NECAB3: variants seen among roughly 807,000 people sequenced by gnomAD.
NECAB3 encodes N-terminal EF-hand calcium-binding protein 3.
NECAB3 carries 38 observed loss-of-function variants against 57.2 expected under a neutral mutation model. The ratio of observed to expected loss-of-function variants is 0.66; its 90% CI spans 0.51 to 0.87. The LOEUF (loss-of-function observed/expected upper bound fraction) is 0.87, where lower values mean the gene tolerates loss of function less well. NECAB3 is among the 40% of genes least tolerant of loss of function. The pLI, the probability that NECAB3 is intolerant of heterozygous loss-of-function variation, is 0.00. For missense variants in NECAB3, 474 were observed against 527.5 expected, an observed-to-expected ratio of 0.90 and a Z score of 0.99; for synonymous variants, 223 against 222.6, an observed-to-expected ratio of 1.00 and a Z score of -0.02.
chr20:33,662,107 T>C, intron 5 of NECAB3: 1 of 436,556 alleles, frequency 2.3e-6, no homozygotes, highest in Non-Finnish European at 4.1e-6. Flanking sequence ...TCCCCCTCTA[T>C]TCACCACTAA....
At chr20:33,664,277 AT>A (rs974802640) in intron 5 of NECAB3, 1 of 178,210 alleles carries the variant, frequency 5.6e-6, no homozygotes, top group Non-Finnish European at 1.2e-5. Flanking sequence ...CCTCTTAGGC[AT>A]GAGGGAGGGT....
chr20:33,669,675 G>A lies in NECAB3; in HGVS notation c.289+12C>T, dbSNP rs760511412. On this transcript the variant is annotated intron_variant, in intron 4 of 11. Transcript: ENST00000246190. ...GGCCACAGGAGAAAAGAGCTCCCAT[G>A]GGCCTACTCACCACACAGTTTTTCT... The A allele has an allele frequency of 9.4e-6, 15 of 1,592,138 alleles. No homozygotes were observed. The Admixed American group carries it at 2.7e-4, about 28-fold the overall frequency.
chr20:33,672,485 TCAACC>T lies in NECAB3; in HGVS notation c.130-68_130-64del. 4 of 1,602,244 alleles carry T rather than the reference TCAACC, an allele frequency of 2.5e-6. No individual in the cohort carries two copies. In the South Asian group the frequency reaches 4.4e-5, roughly 18 times the overall value. On this transcript the variant is annotated intron_variant, in intron 1 of 11. Coordinates refer to ENST00000246190, the MANE Select transcript of NECAB3 (RefSeq NM_031232.4). ...CACCTGGGAAGCCAGAGGCCCCCAC[TCAACC>T]CGACAGGGTCCCAGCTGGCCGACCT... is the stretch of plus-strand genomic sequence containing the variant.
intron 1 of NECAB3, 149 bp downstream of exon 1, chr20:33,674,075 A>G: frequency 2.4e-6 from 2 of 850,554 alleles, no homozygotes; most frequent in Non-Finnish European, 3.1e-6. Context: ...AACAGGTCAC[A>G]CAAGGGCAGA....
At position 33,668,437 on chromosome 20, in the gene NECAB3, T is replaced by C. The variant is rs1383830390; in HGVS notation, c.387+938A>G. On this transcript the variant is annotated intron_variant, in intron 5 of 11. Coordinates refer to ENST00000246190, the MANE Select transcript of NECAB3 (RefSeq NM_031232.4). Reference sequence around the variant, plus strand: ...CTGCAGTTTGAATCTCCCCAACCACTGCCAGTTCAGAGAATGCCAGTCCAG... The same window carrying C: ...CTGCAGTTTGAATCTCCCCAACCACCGCCAGTTCAGAGAATGCCAGTCCAG... 1.4e-5 allele frequency: 9 copies of C among 660,422 alleles called. No individual in the cohort carries two copies. In the East Asian group the frequency reaches 2.8e-4, roughly 21 times the overall value. The allele number at this position is 660,422 out of a possible 1,614,324, so 40.9% of individuals were successfully genotyped here. A position where few individuals can be genotyped will look rare whatever the true frequency, so the allele number is the denominator to read the frequency against.
upstream of NECAB3, chr20:33,674,488 G>A: frequency 3.7e-6 from 3 of 804,508 alleles, no homozygotes; most frequent in Non-Finnish European, 4.5e-6. Flanking sequence ...CCCCGCCCCC[G>A]CGGACGCCGG....
rs1347196867 is a variant in NECAB3, at chr20:33,660,238, G to A, written c.524+21C>T. 6.2e-7 allele frequency: 1 copy of A among 1,609,548 alleles called. No individual in the cohort carries two copies. The highest frequency in any genetic ancestry group is 8.5e-7 in the Non-Finnish European group (1 of 1,177,592). ...GGGCGCTTGTGCACTAGCCCCACAG[G>A]TTGACAGCACCCTTACATACCGCCA... is the stretch of plus-strand genomic sequence containing the variant. On this transcript the variant is annotated intron_variant, in intron 6 of 11. Transcript: ENST00000246190. The surrounding 1 kb of genome is among the most constrained non-coding windows in gnomAD (Gnocchi z 4.1).
chr20:33,658,929 T>C, intron 8 of NECAB3, 95 bp from the exon 9 acceptor site: 2 of 868,052 alleles, frequency 2.3e-6, no homozygotes, highest in Non-Finnish European at 1.8e-6. Flanking sequence ...TTTTTCTGTT[T>C]GTTTGTTTTT....
chr20:33,663,735 C>CG, intron 5 of NECAB3: 1 of 1,529,560 alleles, frequency 6.5e-7, no homozygotes, highest in East Asian at 2.5e-5. Context: ...CGGAAGAGGG[C>CG]GGGGCCAGGG....
chr20:33,662,409 G>A (rs150669889), intron 5 of NECAB3: 18 of 1,551,554 alleles, frequency 1.2e-5, no homozygotes, highest in Admixed American at 3.9e-5. Context: ...GGAGAGGCCG[G>A]CTGACATGGA....
intron 2 of NECAB3, 191 bp downstream of exon 2, chr20:33,672,207 C>G (rs1226521664): frequency 1.5e-6 from 1 of 665,634 alleles, no homozygotes; most frequent in Non-Finnish European, 2.6e-6. Flanking sequence ...ACATTCTCTC[C>G]ACTCTCCATC....
chr20:33,658,462 G>C lies in NECAB3; in HGVS notation c.1070+15C>G. 2.5e-6 allele frequency: 4 copies of C among 1,612,892 alleles called. No homozygotes were observed. The highest frequency in any genetic ancestry group is 3.4e-6 in the Non-Finnish European group (4 of 1,179,008). On this transcript the variant is annotated intron_variant, in intron 10 of 11. Transcript: ENST00000246190. ...CCACATTCCATGGTGTTAGCGGCCA[G>C]ACTGGCACTCATACCTTCTCCAGGA...
Position 33,660,298 on chromosome 20 carries a change from C to G in NECAB3, c.485G>C (p.Gly162Ala). The G allele has an allele frequency of 6.2e-7, 1 of 1,613,388 alleles. No homozygotes were observed. Among genetic ancestry groups the G allele is most frequent in the South Asian group, 1.1e-5 (1 of 91,092 alleles). ...CTGGGCCTCCAGGGTATCTGACGCC[C>G]CCTCCAGCGAGCTCTGAAGGGCTTG... ...QLQALQSSLE[G>A]ASDTLEAQAH... The change falls in exon 6 of 12, where the codon GGG becomes GCG. Residue 162 changes from glycine (G) to alanine (A), a missense_variant. By Grantham distance (60) the Gly-to-Ala change is moderately conservative. Coordinates refer to ENST00000246190, the MANE Select transcript of NECAB3 (RefSeq NM_031232.4). This position sits in a 1 kb window ranked among gnomAD's most constrained non-coding sequence, Gnocchi z 4.1.
At chr20:33,674,455 C>G, upstream of NECAB3, 2 of 980,640 alleles carry the variant, frequency 2.0e-6, no homozygotes, top group Non-Finnish European at 1.2e-6. Flanking sequence ...GGCGCCGACG[C>G]GCGGGCTCAG....
chr20:33,669,437 C>G lies in NECAB3; in HGVS notation c.325G>C (p.Val109Leu). ...FSEHLGVYRP[V>L]LAALESLNRA... ...TTCAGCGATTCCAATGCAGCCAGCA[C>G]CGGCCGGTAGACACCCAGGTGCTCT... Residue 109 changes from valine (V) to leucine (L), a missense_variant, in exon 5 of 12, where the codon GTG (valine) becomes CTG (leucine). Physicochemically the swap from Val to Leu is conservative, Grantham distance 32. Transcript: ENST00000246190. The G allele has an allele frequency of 6.2e-7, 1 of 1,613,794 alleles. No individual in the cohort carries two copies. The highest frequency in any genetic ancestry group is 8.5e-7 in the Non-Finnish European group (1 of 1,180,024).
At chr20:33,663,254 A>T in intron 5 of NECAB3, 1 of 517,026 alleles carries the variant, frequency 1.9e-6, no homozygotes, top group Non-Finnish European at 3.4e-6. Context: ...GGGATCTCAT[A>T]AACTTAGACG....
At chr20:33,672,660 C>T (rs1301801272) in intron 1 of NECAB3, among the ~76,000 whole-genome samples, 1 of 152,222 alleles carries the variant, frequency 6.6e-6, no homozygotes, top group Admixed American at 6.5e-5. Context: ...CAGGGCCTGG[C>T]CTCGTGGGGG....
At chr20:33,667,470 C>T (rs1407517883) in intron 5 of NECAB3, 3 of 1,451,370 alleles carry the variant, frequency 2.1e-6, no homozygotes, top group Admixed American at 2.6e-5. Context: ...AGCTGCTGTT[C>T]GAGACCCTGG....
intron 5 of NECAB3, chr20:33,667,744 C>A (rs561665205): frequency 6.2e-7 from 1 of 1,612,486 alleles, no homozygotes; most frequent in Non-Finnish European, 8.5e-7. Context: ...TCTCAAGAAG[C>A]GCAGCTGCTA....
Sources: allele counts gnomAD v4.1 joint callset (sites outside exome capture counted in the v4.1 genomes callset), GRCh38; gene constraint gnomAD v4.1.1; non-coding constraint Gnocchi (gnomAD v3.1); transcripts MANE v1.5; gene names NCBI Gene and HGNC (gene_info 2026-07-23, HGNC 2026-07-21).